KALRN: variants seen among roughly 807,000 people sequenced by gnomAD.
The protein encoded by KALRN is kalirin.
A neutral mutation model predicts 353.7 loss-of-function variants in KALRN; 70 were observed. The ratio of observed to expected loss-of-function variants is 0.20; its 90% confidence interval spans 0.16 to 0.24. The LOEUF is 0.24. Ranked by LOEUF, KALRN falls within the 10% of genes least tolerant of loss-of-function variation. KALRN has a pLI of 1.00. For missense variants in KALRN, 2,791 were observed against 3,756.7 expected (o/e 0.74, Z 6.72); for synonymous variants, 1,391 against 1,434.8 (o/e 0.97, Z 0.69).
At chr3:124,613,280 C>T (rs761288357) in intron 34 of KALRN, among the ~76,000 whole-genome samples, 2 of 152,172 alleles carry the variant, frequency 1.3e-5, no homozygotes, top group Non-Finnish European at 2.9e-5. Flanking sequence ...CTGATTGTTC[C>T]GTGTCCATCT....
intron 3 of KALRN, among the ~76,000 whole-genome samples, chr3:124,256,243 G>A (rs891720715): frequency 2.6e-5 from 4 of 152,166 alleles, no homozygotes; most frequent in African/African-American, 9.7e-5. Flanking sequence ...GCTTGGCCTG[G>A]GGTTGTCATT....
chr3:124,161,214 A>G (rs2069889872), intron 1 of KALRN, among the ~76,000 whole-genome samples: 1 of 152,220 alleles, frequency 6.6e-6, no homozygotes, highest in Non-Finnish European at 1.5e-5. Context: ...GACAAAGCTG[A>G]TATGTGAGTA....
At chr3:124,440,740 T>G (rs1350094320) in intron 18 of KALRN, among the ~76,000 whole-genome samples, 1 of 152,074 alleles carries the variant, frequency 6.6e-6, no homozygotes, top group African/African-American at 2.4e-5. Context: ...AAATTTCAGT[T>G]TATCTAGAGA....
chr3:124,377,599 A>G (rs2086764015), intron 10 of KALRN, among the ~76,000 whole-genome samples: 1 of 152,114 alleles, frequency 6.6e-6, no homozygotes, highest in South Asian at 2.1e-4. Flanking sequence ...ATCCTTACAA[A>G]TTTCCTGTCT....
At chr3:124,595,327 TAGTC>T (rs947765385) in intron 34 of KALRN, among the ~76,000 whole-genome samples, 32 of 152,182 alleles carry the variant, frequency 2.1e-4, no homozygotes, top group Non-Finnish European at 5.9e-5. Flanking sequence ...GATTGTTAAA[TAGTC>T]AGGATTTCCA....
intron 34 of KALRN, among the ~76,000 whole-genome samples, chr3:124,594,252 A>G (rs1231573689): frequency 6.6e-6 from 1 of 152,142 alleles, no homozygotes; most frequent in Non-Finnish European, 1.5e-5. Context: ...TTGGAGACAG[A>G]GTCTCGCTCT....
intron 8 of KALRN, among the ~76,000 whole-genome samples, chr3:124,330,997 T>A (rs534535808): frequency 4.6e-5 from 7 of 152,138 alleles, no homozygotes; most frequent in Non-Finnish European, 1.0e-4. Context: ...GGCTCCTAGG[T>A]AAGAGTAAGG....
intron 3 of KALRN, among the ~76,000 whole-genome samples, chr3:124,256,337 G>A (rs1580128718): frequency 6.6e-6 from 1 of 152,320 alleles, no homozygotes; most frequent in East Asian, 1.9e-4. Flanking sequence ...TGCCCCTGAA[G>A]TGGAGGTAAT....
intron 33 of KALRN, among the ~76,000 whole-genome samples, chr3:124,514,703 T>C (rs997014261): frequency 6.6e-6 from 1 of 152,188 alleles, no homozygotes; most frequent in Non-Finnish European, 1.5e-5. Flanking sequence ...ATATCCATTA[T>C]GCACACTGCC....
intron 1 of KALRN, among the ~76,000 whole-genome samples, chr3:124,120,363 G>T (rs1049479478): frequency 2.0e-5 from 3 of 152,142 alleles, no homozygotes; most frequent in Admixed American, 1.3e-4. Context: ...TCCACAGGTG[G>T]TTTAGGTAAA....
chr3:124,163,929 T>C, intron 1 of KALRN: 2 of 985,472 alleles, frequency 2.0e-6, no homozygotes, highest in Non-Finnish European at 2.4e-6. Flanking sequence ...AGGGCTGTTG[T>C]AGCTTTCATA....
intron 1 of KALRN, among the ~76,000 whole-genome samples, chr3:124,189,258 C>T (rs969071934): frequency 2.6e-5 from 4 of 152,170 alleles, no homozygotes; most frequent in African/African-American, 9.7e-5. Flanking sequence ...ACCACATGTT[C>T]CAGGGAAGAT....
chr3:124,487,604 A>G (rs945797356), intron 28 of KALRN, among the ~76,000 whole-genome samples: 3 of 152,204 alleles, frequency 2.0e-5, no homozygotes, highest in East Asian at 1.9e-4. Flanking sequence ...AAGCCCATCT[A>G]TTGGCCCCAG....
chr3:124,295,789 G>A (rs1199541250), intron 5 of KALRN, among the ~76,000 whole-genome samples: 1 of 152,140 alleles, frequency 6.6e-6, no homozygotes, highest in African/African-American at 2.4e-5. Context: ...GGGCTGGGAG[G>A]CAGAATTCTA....
chr3:124,424,489 T>C (rs2092931210), intron 15 of KALRN, among the ~76,000 whole-genome samples: 3 of 152,110 alleles, frequency 2.0e-5, no homozygotes, highest in South Asian at 4.1e-4. Context: ...AAAAAAACAC[T>C]GTCTTCTCCA....
intron 5 of KALRN, among the ~76,000 whole-genome samples, chr3:124,289,001 A>G (rs577530612): frequency 6.6e-6 from 1 of 152,330 alleles, no homozygotes; most frequent in South Asian, 2.1e-4. Flanking sequence ...GGTAATTTAT[A>G]GAGAAAGATT....
chr3:124,710,560 C>T (rs373818736), intron 57 of KALRN, among the ~76,000 whole-genome samples: 7 of 152,224 alleles, frequency 4.6e-5, no homozygotes, highest in South Asian at 2.1e-4. Context: ...CCAAGGTGGG[C>T]GGATCGCTTT....
At chr3:124,109,422 T>A (rs1401372398) in intron 1 of KALRN, among the ~76,000 whole-genome samples, 2 of 152,142 alleles carry the variant, frequency 1.3e-5, no homozygotes, top group African/African-American at 2.4e-5. Context: ...TTTTTAGTGC[T>A]AAAATCCCTT....
chr3:124,585,617 G>C (rs1210128307), intron 34 of KALRN, among the ~76,000 whole-genome samples: 1 of 152,140 alleles, frequency 6.6e-6, no homozygotes, highest in Non-Finnish European at 1.5e-5. Context: ...ATCACAGAGG[G>C]AGGGTTCTCA....
Sources: gnomAD v4.1 joint callset for allele counts (sites outside exome capture counted in the v4.1 genomes callset) on GRCh38, gnomAD v4.1.1 for gene constraint, MANE v1.5 for transcripts, NCBI Gene and HGNC (gene_info 2026-07-23, HGNC 2026-07-21) for gene names.